The following ZNF730 variants were observed in gnomAD, a reference collection of about 807,000 sequenced individuals.
ZNF730 encodes zinc finger protein 730.
Under a neutral mutation model 12.6 loss-of-function variants are expected in ZNF730, and 12 were observed. The observed-to-expected ratio is 0.95, with a 90% confidence interval of 0.61 to 1.54. The LOEUF is 1.54. ZNF730 is among the 40% of genes most tolerant of loss of function. The probability of loss-of-function intolerance (pLI) is 0.00; values close to 1 mark genes in which losing one functional copy is unlikely to be tolerated. For missense variants in ZNF730, 643 were observed against 583.5 expected (o/e 1.10, Z -1.05); for synonymous variants, 194 against 195.8 (o/e 0.99, Z 0.08).
chr19:23,145,022 A>G (rs1051595268), intron 3 of ZNF730, among the ~76,000 whole-genome samples: 1 of 152,216 alleles, frequency 6.6e-6, no homozygotes, highest in Non-Finnish European at 1.5e-5. Flanking sequence ...GGTAAAATGT[A>G]ACAGACTTTC....
chr19:23,109,839 G>C (rs1970440582), intron 1 of ZNF730, among the ~76,000 whole-genome samples: 1 of 151,948 alleles, frequency 6.6e-6, no homozygotes. Flanking sequence ...GAGCCACCGT[G>C]CCCAGCCAAT....
Position 23,144,933 on chromosome 19 carries a change from T to C in ZNF730, c.227-338T>C, listed in dbSNP as rs910120199. On this transcript the variant is annotated intron_variant, in intron 3 of 3. Transcript: ENST00000597761. ...GTATGTGCCAGTATTTTAACTTGTC[T>C]TTTAAAAAGGAAACCAAGAGTTGGT... Among the ~76,000 whole-genome samples, 14 of 152,234 alleles carry C rather than the reference T, an allele frequency of 9.2e-5. No individual in the cohort carries two copies. In the South Asian group the frequency reaches 2.9e-3, roughly 32 times the overall value.
chr19:23,137,205 A>G (rs1970847286), intron 3 of ZNF730, among the ~76,000 whole-genome samples: 1 of 152,114 alleles, frequency 6.6e-6, no homozygotes, highest in Non-Finnish European at 1.5e-5. Context: ...CTGCAACAAT[A>G]TTTATTCTTT....
intron 1 of ZNF730, chr19:23,127,995 A>T (rs1356988337): frequency 1.3e-6 from 1 of 743,628 alleles, no homozygotes; most frequent in Non-Finnish European, 2.5e-6. Context: ...GTAGGTCAAG[A>T]TCTGTGACCT....
chr19:23,079,353 T>A (rs2145431368), intron 1 of ZNF730, among the ~76,000 whole-genome samples: 1 of 152,108 alleles, frequency 6.6e-6, no homozygotes, highest in Non-Finnish European at 1.5e-5. Flanking sequence ...GATGAGGGTT[T>A]CTCCACGTTG....
intron 1 of ZNF730, among the ~76,000 whole-genome samples, chr19:23,111,281 A>G (rs979307894): frequency 1.1e-4 from 16 of 152,330 alleles, no homozygotes; most frequent in African/African-American, 3.8e-4. Flanking sequence ...TTAAACATTT[A>G]TACAGAAATT....
chr19:23,116,318 TCTTTTCTTTCTTTCTTTC>T (rs1399363880), upstream of ZNF730, among the ~76,000 whole-genome samples: 1,353 of 32,422 alleles, frequency 0.042, 30 homozygotes, highest in African/African-American at 0.066. Context: ...TCTTTTCTTT[TCTTTTCTTTCTTTCTTTC>T]CTTTCTTTCC....
chr19:23,086,903 A>G (rs923911045), intron 1 of ZNF730, among the ~76,000 whole-genome samples: 3 of 152,166 alleles, frequency 2.0e-5, no homozygotes, highest in African/African-American at 4.8e-5. Context: ...TTTTAGTGAT[A>G]TGGATTCTTA....
At chr19:23,124,020 C>T (rs6511407) in intron 1 of ZNF730, 149,632 of 152,236 alleles carry the variant, frequency 0.98, 73,574 homozygotes, top group Middle Eastern at 1. Flanking sequence ...ATTCCCATTA[C>T]TGTGAAGGTG....
intron 1 of ZNF730, among the ~76,000 whole-genome samples, chr19:23,106,758 C>G (rs1416885916): frequency 6.7e-6 from 1 of 149,820 alleles, no homozygotes; most frequent in Non-Finnish European, 1.5e-5. Flanking sequence ...CCATTGCACT[C>G]CAGCCTGGGC....
upstream of ZNF730, among the ~76,000 whole-genome samples, chr19:23,113,710 A>C (rs1970481498): frequency 6.6e-6 from 1 of 152,110 alleles, no homozygotes; most frequent in Admixed American, 6.5e-5. Flanking sequence ...CTCTACTCAA[A>C]CCTTTAAAAA....
intron 3 of ZNF730, among the ~76,000 whole-genome samples, chr19:23,136,786 T>A (rs1242710403): frequency 6.6e-6 from 1 of 152,116 alleles, no homozygotes; most frequent in Non-Finnish European, 1.5e-5. Flanking sequence ...TTTATTGTAG[T>A]TTCATGTAAA....
chr19:23,098,122 T>C (rs886844476), intron 1 of ZNF730, among the ~76,000 whole-genome samples: 2 of 150,512 alleles, frequency 1.3e-5, no homozygotes, highest in African/African-American at 4.9e-5. Flanking sequence ...TCAGCCTGGG[T>C]GACAGAGTGA....
intron 1 of ZNF730, among the ~76,000 whole-genome samples, chr19:23,078,318 G>A (rs1379489066): frequency 6.6e-6 from 1 of 152,084 alleles, no homozygotes; most frequent in African/African-American, 2.4e-5. Context: ...CCTGGGCAAT[G>A]GAATGTCTCG....
chr19:23,134,511 C>T (rs1228772490), intron 2 of ZNF730, among the ~76,000 whole-genome samples: 1 of 141,758 alleles, frequency 7.1e-6, no homozygotes, highest in Admixed American at 6.9e-5. Flanking sequence ...CCGCCCCGTC[C>T]GGGAGGTGAG....
rs60060655 is a variant in ZNF730, at chr19:23,080,617, C to T, written c.-94+5230C>T. 3.3e-3 allele frequency among the ~76,000 whole-genome samples: 501 copies of T among 152,068 alleles called. 1 individual carries two copies. The highest frequency in any genetic ancestry group is 0.011 in the African/African-American group (473 of 41,496). ...CTCAAATTCCTGGCCTCAAGTGATCCACCTGCCTCGGCCTCCCAAAGTGCT... is the reference window on the plus strand; with the variant it reads ...CTCAAATTCCTGGCCTCAAGTGATCTACCTGCCTCGGCCTCCCAAAGTGCT... On this transcript the variant is annotated intron_variant, in intron 1 of 2. Coordinates refer to the ZNF730 transcript ENST00000593635.
chr19:23,106,183 AAGG>A (rs964688307), intron 1 of ZNF730, among the ~76,000 whole-genome samples: 1 of 152,018 alleles, frequency 6.6e-6, no homozygotes, highest in East Asian at 1.9e-4. Context: ...GGAGAAATAG[AAGG>A]AGGAGGAGAA....
chr19:23,117,849 TGTA>T (rs1970551374), intron 1 of ZNF730, among the ~76,000 whole-genome samples: 1 of 152,190 alleles, frequency 6.6e-6, no homozygotes, highest in African/African-American at 2.4e-5. Flanking sequence ...TTTTCCTTAA[TGTA>T]GTAATTTACA....
Position 23,146,147 on chromosome 19 carries a change from A to G in ZNF730, c.1103A>G (p.Tyr368Cys). The G allele has an allele frequency of 1.2e-6, 2 of 1,608,236 alleles. No homozygotes were observed. The highest frequency in any genetic ancestry group is 1.7e-6 in the Non-Finnish European group (2 of 1,176,892). Residue 368 changes from tyrosine to cysteine, a missense_variant, in exon 4 of 4, where the codon TAC becomes TGC. Tyr to Cys is a radical substitution (Grantham distance 194). Transcript: ENST00000597761. Reference protein sequence around the residue: ...HKITHTGGKPYKYKECGKAFN... With the variant: ...HKITHTGGKPCKYKECGKAFN... ...ATAACTCATACTGGAGGGAAACCCT[A>G]CAAATATAAAGAATGTGGTAAAGCT...
Sources: allele counts gnomAD v4.1 joint callset (sites outside exome capture counted in the v4.1 genomes callset), GRCh38; gene constraint gnomAD v4.1.1; transcripts MANE v1.5; gene names NCBI Gene and HGNC (gene_info 2026-07-23, HGNC 2026-07-21).